The following KALRN variants were observed in gnomAD, a reference collection of about 807,000 sequenced individuals.
KALRN encodes the protein kalirin RhoGEF kinase.
In KALRN, 70 loss-of-function variants were observed where a neutral mutation model predicts 353.7. The observed-to-expected ratio is 0.20, with a 90% CI of 0.16 to 0.24. The LOEUF (loss-of-function observed/expected upper bound fraction) is 0.24, where lower values mean the gene tolerates loss of function less well. KALRN is among the 10% of genes least tolerant of loss of function. The probability of loss-of-function intolerance (pLI) is 1.00; values close to 1 mark genes in which losing one functional copy is unlikely to be tolerated. For synonymous variants in KALRN, 1,391 were observed against 1,434.8 expected (o/e 0.97, Z 0.69); for missense variants, 2,791 against 3,756.7 (o/e 0.74, Z 6.72).
chr3:124,271,111 G>T (rs1362817721), intron 5 of KALRN, among the ~76,000 whole-genome samples: 1 of 152,146 alleles, frequency 6.6e-6, no homozygotes, highest in Admixed American at 6.5e-5. Flanking sequence ...GATTACAGGC[G>T]TGAGCCACCG....
At chr3:124,295,331 G>A (rs1580634239) in intron 5 of KALRN, among the ~76,000 whole-genome samples, 1 of 152,190 alleles carries the variant, frequency 6.6e-6, no homozygotes, top group South Asian at 2.1e-4. Flanking sequence ...AGACCCCAGT[G>A]ACAAGCTTGT....
intron 1 of KALRN, among the ~76,000 whole-genome samples, chr3:124,071,339 T>C (rs2060009388): frequency 2.6e-5 from 4 of 152,276 alleles, no homozygotes; most frequent in Middle Eastern, 3.4e-3. Flanking sequence ...GTTACTCCCG[T>C]TTATAGCGCG....
chr3:124,122,823 T>A (rs965350426), intron 1 of KALRN, among the ~76,000 whole-genome samples: 1 of 152,146 alleles, frequency 6.6e-6, no homozygotes, highest in Non-Finnish European at 1.5e-5. Flanking sequence ...GGCCTCTAAG[T>A]GTTCAAGTGA....
At chr3:124,308,758 T>G (rs1022156462) in intron 6 of KALRN, among the ~76,000 whole-genome samples, 1 of 151,040 alleles carries the variant, frequency 6.6e-6, no homozygotes, top group Non-Finnish European at 1.5e-5. Context: ...TTTAAAACAC[T>G]GGAAAAAGAA....
chr3:124,482,728 C>T, intron 27 of KALRN, 80 bp from the exon 28 acceptor site: 2 of 910,408 alleles, frequency 2.2e-6, no homozygotes, highest in Admixed American at 1.7e-5. Flanking sequence ...CTCTTCTGAC[C>T]CCTGCCTTTC....
At chr3:124,046,426 C>A (rs2040482168) in intron 1 of KALRN, among the ~76,000 whole-genome samples, 1 of 152,182 alleles carries the variant, frequency 6.6e-6, no homozygotes, top group African/African-American at 2.4e-5. Flanking sequence ...TAACCTCAGT[C>A]ATCTTAGTGA....
intron 10 of KALRN, among the ~76,000 whole-genome samples, chr3:124,368,820 G>T (rs1317677282): frequency 6.6e-6 from 1 of 152,202 alleles, no homozygotes; most frequent in Non-Finnish European, 1.5e-5. Flanking sequence ...GGCACCTCGG[G>T]AGGCCGAGGC....
At chr3:124,664,360 T>A (rs544865679) in intron 45 of KALRN, among the ~76,000 whole-genome samples, 1 of 123,844 alleles carries the variant, frequency 8.1e-6, no homozygotes, top group Admixed American at 8.4e-5. Flanking sequence ...TGTGTGTGTG[T>A]GTGTGTGTGT....
chr3:124,063,297 A>G (rs998138920), intron 1 of KALRN, among the ~76,000 whole-genome samples: 3 of 152,242 alleles, frequency 2.0e-5, no homozygotes, highest in African/African-American at 7.2e-5. Flanking sequence ...TAAGAGGGCA[A>G]CAGGAAAAGA....
At chr3:124,399,025 TC>T (rs1273106353) in intron 13 of KALRN, among the ~76,000 whole-genome samples, 154 bp downstream of exon 13, 1 of 152,160 alleles carries the variant, frequency 6.6e-6, no homozygotes, top group Non-Finnish European at 1.5e-5. Context: ...CATGGCATAT[TC>T]CTTCCAGTCC....
At chr3:124,296,099 A>G (rs1043080058) in intron 5 of KALRN, among the ~76,000 whole-genome samples, 2 of 152,224 alleles carry the variant, frequency 1.3e-5, no homozygotes, top group East Asian at 1.9e-4. Context: ...TAATCTCCAA[A>G]TCATGCACGT....
At chr3:124,527,473 G>A (rs1476488060) in intron 33 of KALRN, among the ~76,000 whole-genome samples, 1 of 151,936 alleles carries the variant, frequency 6.6e-6, no homozygotes, top group African/African-American at 2.4e-5. Context: ...GCCAGATGTG[G>A]TGGCACACAC....
chr3:124,589,519 T>C (rs1420964162), intron 34 of KALRN, among the ~76,000 whole-genome samples: 2 of 152,132 alleles, frequency 1.3e-5, no homozygotes, highest in Non-Finnish European at 2.9e-5. Context: ...GTTGAGCCCA[T>C]GAATTCAAGT....
At chr3:124,330,626 C>T (rs1439373999) in intron 8 of KALRN, among the ~76,000 whole-genome samples, 1 of 152,030 alleles carries the variant, frequency 6.6e-6, no homozygotes. Flanking sequence ...ACAGTCCTCT[C>T]AAAGTAAAAG....
At chr3:124,277,750 C>G (rs183345937) in intron 5 of KALRN, among the ~76,000 whole-genome samples, 26 of 152,310 alleles carry the variant, frequency 1.7e-4, no homozygotes, top group African/African-American at 5.8e-4. Context: ...AGGCTTGGCT[C>G]CCTTCCACGG....
Position 124,334,518 on chromosome 3 carries a change from G to A in KALRN, c.1647+23G>A. 6.4e-7 allele frequency: 1 copy of A among 1,561,350 alleles called. No homozygotes were observed. The highest frequency in any genetic ancestry group is 8.8e-7 in the Non-Finnish European group (1 of 1,137,614). ...CAGGTAACAGGCTCTGAGCCCCGGT[G>A]TCCATTATCCATTCTAGGAGGCAGA... On this transcript the variant is annotated intron_variant, in intron 9 of 59. Transcript: ENST00000682506. The surrounding 1 kb of genome is among the most constrained non-coding windows in gnomAD (Gnocchi z 4.2).
At chr3:124,610,843 C>T (rs2077867196) in intron 34 of KALRN, among the ~76,000 whole-genome samples, 1 of 86,428 alleles carries the variant, frequency 1.2e-5, no homozygotes, top group South Asian at 2.8e-4. Flanking sequence ...GGACCCCGTC[C>T]CTACAAAAAA....
intron 47 of KALRN, among the ~76,000 whole-genome samples, chr3:124,668,232 T>C (rs78687408): frequency 6.6e-6 from 1 of 152,202 alleles, no homozygotes; most frequent in African/African-American, 2.4e-5. Context: ...CACCTTTTCA[T>C]GCCAGTACTA....
chr3:124,436,280 A>C (rs1045847738), intron 17 of KALRN, among the ~76,000 whole-genome samples: 2 of 152,212 alleles, frequency 1.3e-5, no homozygotes, highest in African/African-American at 4.8e-5. Flanking sequence ...GCCGAAGGTT[A>C]CTTTACCCCT....
Sources: gnomAD v4.1 joint callset for allele counts (sites outside exome capture counted in the v4.1 genomes callset) on GRCh38, gnomAD v4.1.1 for gene constraint, Gnocchi (gnomAD v3.1) non-coding constraint, MANE v1.5 for transcripts, NCBI Gene and HGNC (gene_info 2026-07-23, HGNC 2026-07-21) for gene names.